The following PPP1R12B variants were observed in gnomAD, a reference collection of about 807,000 sequenced individuals.
PPP1R12B encodes the protein myosin phosphatase target subunit 2.
A neutral mutation model predicts 126.1 loss-of-function variants in PPP1R12B; 76 were observed. The ratio of observed to expected loss-of-function variants is 0.60; its 90% CI spans 0.50 to 0.73. The LOEUF (loss-of-function observed/expected upper bound fraction) is 0.73. Ranked by LOEUF, PPP1R12B falls within the 30% of genes least tolerant of loss-of-function variation. PPP1R12B has a pLI of 0.00. For synonymous variants in PPP1R12B, 356 were observed against 434.7 expected (o/e 0.82, Z 2.25); for missense variants, 1,052 against 1,205.1 (o/e 0.87, Z 1.88).
At chr1:202,377,190 A>T (rs529742176) in intron 1 of PPP1R12B, among the ~76,000 whole-genome samples, 66 of 152,290 alleles carry the variant, frequency 4.3e-4, no homozygotes, top group African/African-American at 1.6e-3. Context: ...ATTAGTGTAG[A>T]TGTTCTGAGA....
chr1:202,460,785 G>A (rs1674214146), intron 13 of PPP1R12B, among the ~76,000 whole-genome samples: 1 of 152,102 alleles, frequency 6.6e-6, no homozygotes, highest in Non-Finnish European at 1.5e-5. Flanking sequence ...TTATGCTGTG[G>A]GACTCTGAAC....
At chr1:202,380,063 T>TA (rs1261046563) in intron 1 of PPP1R12B, among the ~76,000 whole-genome samples, 1 of 152,130 alleles carries the variant, frequency 6.6e-6, no homozygotes, top group Non-Finnish European at 1.5e-5. Flanking sequence ...CTCATTCACA[T>TA]ACCTTCTCAT....
intron 1 of PPP1R12B, among the ~76,000 whole-genome samples, chr1:202,380,467 A>G (rs1160648699): frequency 2.0e-5 from 3 of 152,208 alleles, no homozygotes; most frequent in Non-Finnish European, 2.9e-5. Flanking sequence ...AATGTGTTTG[A>G]AACAATTTCT....
chr1:202,461,974 C>G (rs1674356910), intron 13 of PPP1R12B, among the ~76,000 whole-genome samples: 1 of 152,166 alleles, frequency 6.6e-6, no homozygotes, highest in African/African-American at 2.4e-5. Context: ...ATTAGTAATT[C>G]CCTCCCACAG....
intron 18 of PPP1R12B, among the ~76,000 whole-genome samples, chr1:202,535,081 G>T (rs1445727300): frequency 1.3e-5 from 2 of 151,512 alleles, no homozygotes; most frequent in East Asian, 1.9e-4. Flanking sequence ...GTGTGTGTGT[G>T]TATCCTAAAC....
intron 1 of PPP1R12B, among the ~76,000 whole-genome samples, chr1:202,390,072 T>G (rs1451365651): frequency 6.6e-6 from 1 of 152,140 alleles, no homozygotes; most frequent in Non-Finnish European, 1.5e-5. Context: ...GACAGTGTGG[T>G]ATCAGCACAA....
intron 18 of PPP1R12B, among the ~76,000 whole-genome samples, chr1:202,545,251 TG>T (rs1558355569): frequency 6.6e-6 from 1 of 152,196 alleles, no homozygotes; most frequent in Non-Finnish European, 1.5e-5. Context: ...TAGCAGTAAT[TG>T]TTCAGCCCAA....
chr1:202,550,502 T>C (rs1429353712), intron 18 of PPP1R12B, among the ~76,000 whole-genome samples: 1 of 152,214 alleles, frequency 6.6e-6, no homozygotes, highest in Non-Finnish European at 1.5e-5. Flanking sequence ...ATATACTCTA[T>C]GCTGTATTCT....
chr1:202,348,878 G>C lies in PPP1R12B; in HGVS notation c.27G>C (p.Gly9=), dbSNP rs779092055. ...TGGCGGAACTGGAGCACCTAGGAGG[G>C]AAGCGGGCAGAGTCGGCGCGAATGC... The part of the protein sequence containing the change: MAELEHLG[G]KRAESARMRR... The change falls in exon 1 of 24, where the codon GGG becomes GGC. Residue 9 remains glycine, a synonymous_variant. Transcript: ENST00000608999. 1 of 1,610,600 alleles carries C rather than the reference G, an allele frequency of 6.2e-7. No homozygotes were observed. The highest frequency in any genetic ancestry group is 1.1e-5 in the South Asian group (1 of 90,712).
intron 22 of PPP1R12B, 92 bp from the exon 23 acceptor site, chr1:202,569,055 G>T: frequency 7.1e-7 from 1 of 1,398,714 alleles, no homozygotes; most frequent in Non-Finnish European, 1.0e-6. Flanking sequence ...ACCTTTGACC[G>T]TGAATCTGCT....
chr1:202,555,905 T>A (rs2148996425), intron 18 of PPP1R12B, among the ~76,000 whole-genome samples: 1 of 150,718 alleles, frequency 6.6e-6, no homozygotes, highest in Non-Finnish European at 1.5e-5. Context: ...AGACAGAGTC[T>A]CACTCTGTCT....
rs1404826999 is a variant in PPP1R12B at position 202,479,547 on chromosome 1, G to T, written c.1851-8986G>T. On this transcript the variant is annotated intron_variant, in intron 13 of 23. Coordinates refer to ENST00000608999, the MANE Select transcript of PPP1R12B (RefSeq NM_002481.4). ...CGTAGTCTCATGGGACTCAGGGAAT[G>T]ATTGGAGTTCAGAAAGAGAGCCTAG... Among the ~76,000 whole-genome samples, 4 of 152,304 alleles carry T rather than the reference G, an allele frequency of 2.6e-5. No homozygotes were observed. The East Asian group carries it at 5.8e-4, about 22-fold the overall frequency.
chr1:202,411,737 A>T (rs1240917905), intron 1 of PPP1R12B, among the ~76,000 whole-genome samples: 2 of 152,184 alleles, frequency 1.3e-5, no homozygotes, highest in Non-Finnish European at 1.5e-5. Flanking sequence ...GCTATAGATG[A>T]GTACATATGC....
rs368861180 is a variant in PPP1R12B at position 202,394,622 on chromosome 1, C to T, written c.292-22165C>T. Among the ~76,000 whole-genome samples the T allele has an allele frequency of 4.0e-5, 6 of 151,818 alleles. No homozygotes were observed. The South Asian group carries it at 6.2e-4, about 16-fold the overall frequency. ...ATACAAAATTAGCCGGGCATGGTGG[C>T]GCATGCCTGTAATCCTAGCTGCTCA... On this transcript the variant is annotated intron_variant, in intron 1 of 23. Coordinates refer to ENST00000608999, the MANE Select transcript of PPP1R12B (RefSeq NM_002481.4).
chr1:202,433,675 A>G (rs541395902), intron 8 of PPP1R12B, among the ~76,000 whole-genome samples: 12 of 152,342 alleles, frequency 7.9e-5, no homozygotes, highest in South Asian at 2.1e-4. Flanking sequence ...CAGGCCATCA[A>G]TGCTCATTGA....
chr1:202,395,572 C>T (rs77759176), intron 1 of PPP1R12B, among the ~76,000 whole-genome samples: 3,362 of 152,274 alleles, frequency 0.022, 58 homozygotes, highest in Non-Finnish European at 0.031. Flanking sequence ...GTTATACCCA[C>T]GACACAAATG....
chr1:202,353,024 A>AC (rs1235786301), intron 1 of PPP1R12B, among the ~76,000 whole-genome samples: 1 of 152,340 alleles, frequency 6.6e-6, no homozygotes, highest in Middle Eastern at 3.4e-3. Flanking sequence ...CCTCAGTCTG[A>AC]CGCTGTAGAC....
rs1193939057 is a variant in PPP1R12B at position 202,371,858 on chromosome 1, CTTTTTTTTTTTTT to C, written c.291+22726_291+22738del. On this transcript the variant is annotated intron_variant, in intron 1 of 23. Transcript: ENST00000608999. Reference sequence around the variant, plus strand: ...GATGCCATTTCCTTCATTATAGTTTCTTTTTTTTTTTTTTTTTTTTTTGGAGACGGAGTATCGC... The same window carrying C: ...GATGCCATTTCCTTCATTATAGTTTCTTTTTTTTTGGAGACGGAGTATCGC... Among the ~76,000 whole-genome samples, 8 of 75,356 alleles carry C rather than the reference CTTTTTTTTTTTTT, an allele frequency of 1.1e-4. No homozygotes were observed. The East Asian group carries it at 3.6e-3, about 34-fold the overall frequency. The allele number at this position is 75,356 out of a possible 152,430, so 49.4% of individuals were successfully genotyped here.
In PPP1R12B at chr1:202,418,603, C is replaced by T. The variant is rs554711933; in HGVS notation, c.422+1686C>T. Among the ~76,000 whole-genome samples, 5 of 152,244 alleles carry T rather than the reference C, an allele frequency of 3.3e-5. No homozygotes were observed. The South Asian group carries it at 1.0e-3, about 32-fold the overall frequency. ...CTTGAATGAAATAAATCTGTGAGAG[C>T]TACTGTTTCCTAAGACAGACTATTA... On this transcript the variant is annotated intron_variant, in intron 2 of 23. Coordinates refer to ENST00000608999, the MANE Select transcript of PPP1R12B (RefSeq NM_002481.4).
Sources: gnomAD v4.1 joint callset for allele counts (sites outside exome capture counted in the v4.1 genomes callset) on GRCh38, gnomAD v4.1.1 for gene constraint, MANE v1.5 for transcripts, NCBI Gene and HGNC (gene_info 2026-07-23, HGNC 2026-07-21) for gene names.